STXBP5L: variants seen among roughly 807,000 people sequenced by gnomAD.
STXBP5L encodes syntaxin binding protein 5L.
STXBP5L carries 65 observed loss-of-function variants against 144.5 expected under a neutral mutation model. The ratio of observed to expected loss-of-function variants is 0.45; its 90% CI spans 0.37 to 0.55. The LOEUF is 0.55. Ranked by LOEUF, STXBP5L falls within the 20% of genes least tolerant of loss-of-function variation. The pLI is 0.00. For missense variants in STXBP5L, 1,298 were observed against 1,405.5 expected (o/e 0.92, Z 1.22); for synonymous variants, 505 against 469.6 (o/e 1.08, Z -0.97).
chr3:120,991,504 T>G (rs1298417601), intron 3 of STXBP5L, among the ~76,000 whole-genome samples: 6 of 152,196 alleles, frequency 3.9e-5, no homozygotes, highest in Admixed American at 3.9e-4. Context: ...GGATTATAAA[T>G]CATGCTACTA....
At chr3:121,015,413 C>A (rs977813179) in intron 3 of STXBP5L, among the ~76,000 whole-genome samples, 3 of 152,124 alleles carry the variant, frequency 2.0e-5, no homozygotes, top group African/African-American at 4.8e-5. Flanking sequence ...TGAAAACCTA[C>A]AGCCAGAAGC....
chr3:121,238,683 A>G (rs1559894570), intron 12 of STXBP5L, among the ~76,000 whole-genome samples: 1 of 152,176 alleles, frequency 6.6e-6, no homozygotes, highest in Non-Finnish European at 1.5e-5. Flanking sequence ...TTTCAGATTA[A>G]TAGAATTCAT....
intron 10 of STXBP5L, among the ~76,000 whole-genome samples, chr3:121,213,433 A>T (rs564345351): frequency 3.5e-4 from 53 of 152,250 alleles, no homozygotes; most frequent in African/African-American, 1.2e-3. Flanking sequence ...GTTGAATTTT[A>T]TCAAAGGCCT....
intron 20 of STXBP5L, among the ~76,000 whole-genome samples, chr3:121,329,720 G>A (rs571692823): frequency 6.6e-6 from 1 of 152,096 alleles, no homozygotes; most frequent in South Asian, 2.1e-4. Context: ...AATTAGCCAG[G>A]CATGGTGGCA....
chr3:121,369,644 A>G (rs903428348), intron 20 of STXBP5L, among the ~76,000 whole-genome samples: 4 of 152,130 alleles, frequency 2.6e-5, no homozygotes, highest in African/African-American at 9.7e-5. Flanking sequence ...CTGGCTTCAG[A>G]AAAGCCTTTC....
intron 3 of STXBP5L, among the ~76,000 whole-genome samples, chr3:121,016,823 C>A (rs1022887743): frequency 6.6e-6 from 1 of 152,006 alleles, no homozygotes; most frequent in Non-Finnish European, 1.5e-5. Context: ...AGCACCAGGC[C>A]CACATGTGTT....
chr3:121,244,045 C>A (rs1018853989), intron 14 of STXBP5L, among the ~76,000 whole-genome samples: 3 of 151,934 alleles, frequency 2.0e-5, no homozygotes, highest in Non-Finnish European at 4.4e-5. Context: ...GCAAACTGTA[C>A]TTTTTATTCT....
chr3:121,048,806 C>G (rs887726175), intron 5 of STXBP5L, among the ~76,000 whole-genome samples: 1 of 152,118 alleles, frequency 6.6e-6, no homozygotes, highest in Non-Finnish European at 1.5e-5. Flanking sequence ...CTGCCTCAGC[C>G]TCCTGAGTAG....
intron 20 of STXBP5L, among the ~76,000 whole-genome samples, chr3:121,363,822 G>GT (rs2045787047): frequency 6.6e-6 from 1 of 152,048 alleles, no homozygotes; most frequent in Non-Finnish European, 1.5e-5. Flanking sequence ...GATTGGTGGA[G>GT]TTTTCTATTC....
At chr3:121,360,475 T>C (rs988546453) in intron 20 of STXBP5L, among the ~76,000 whole-genome samples, 1 of 152,110 alleles carries the variant, frequency 6.6e-6, no homozygotes, top group African/African-American at 2.4e-5. Context: ...CTTCTCTTCC[T>C]TCTTTCATTC....
intron 7 of STXBP5L, among the ~76,000 whole-genome samples, chr3:121,132,834 T>C (rs1160845235): frequency 6.6e-6 from 1 of 150,618 alleles, no homozygotes; most frequent in Non-Finnish European, 1.5e-5. Flanking sequence ...AACACAATAA[T>C]AGAACTGAAA....
chr3:121,353,395 C>T (rs1186866553), intron 20 of STXBP5L, among the ~76,000 whole-genome samples: 1 of 152,074 alleles, frequency 6.6e-6, no homozygotes, highest in East Asian at 1.9e-4. Flanking sequence ...TCAACTTTTT[C>T]CTGGTTTAGT....
At chr3:121,318,678 A>T (rs2043865941) in intron 20 of STXBP5L, 138 bp downstream of exon 20, 1 of 505,106 alleles carries the variant, frequency 2.0e-6, no homozygotes, top group South Asian at 7.1e-5. Flanking sequence ...TACTGTAAGC[A>T]AATTTGATTC....
chr3:121,091,625 TG>T (rs1203286019), intron 5 of STXBP5L, among the ~76,000 whole-genome samples: 7 of 152,192 alleles, frequency 4.6e-5, no homozygotes, highest in Admixed American at 3.9e-4. Context: ...TTGATGGGGT[TG>T]TTTTTTTCTT....
intron 9 of STXBP5L, among the ~76,000 whole-genome samples, chr3:121,165,721 C>A (rs1235847608): frequency 1.3e-5 from 2 of 151,960 alleles, no homozygotes; most frequent in Non-Finnish European, 2.9e-5. Context: ...ACAGATTGGA[C>A]CCCAGGTTAC....
In STXBP5L at chr3:121,039,303, G is replaced by T. The variant is rs9814512; in HGVS notation, c.288-2397G>T. Reference sequence around the variant, plus strand: ...TGGTTTATATTAATAGTGTGCAGCTGTACCTTATATAAATTTACCTTCAAT... The same window carrying T: ...TGGTTTATATTAATAGTGTGCAGCTTTACCTTATATAAATTTACCTTCAAT... On this transcript the variant is annotated intron_variant, in intron 3 of 26. Transcript: ENST00000471454. Among the ~76,000 whole-genome samples the T allele has an allele frequency of 7.4e-3, 1,119 of 151,870 alleles. 8 individuals are homozygous for T. Among genetic ancestry groups the T allele is most frequent in the African/African-American group, 0.024 (995 of 41,490 alleles).
chr3:121,175,045 G>T (rs2046879310), intron 9 of STXBP5L, among the ~76,000 whole-genome samples: 1 of 151,978 alleles, frequency 6.6e-6, no homozygotes. Flanking sequence ...AGTTTATCCT[G>T]CAAAGAAACT....
chr3:121,103,959 C>T (rs1038163365), intron 5 of STXBP5L, among the ~76,000 whole-genome samples: 13 of 152,166 alleles, frequency 8.5e-5, no homozygotes, highest in Non-Finnish European at 4.4e-5. Context: ...AAATATTTAT[C>T]ATTCAGTTCT....
intron 20 of STXBP5L, among the ~76,000 whole-genome samples, chr3:121,354,858 C>G (rs1214071855): frequency 1.3e-5 from 2 of 152,110 alleles, no homozygotes; most frequent in Non-Finnish European, 1.5e-5. Flanking sequence ...TTTAGTACTT[C>G]CTTCAGGAGC....
Sources: gnomAD v4.1 joint callset for allele counts (sites outside exome capture counted in the v4.1 genomes callset) on GRCh38, gnomAD v4.1.1 for gene constraint, MANE v1.5 for transcripts, NCBI Gene and HGNC (gene_info 2026-07-23, HGNC 2026-07-21) for gene names.